UHRF1: variants seen among roughly 807,000 people sequenced by gnomAD.
The protein encoded by UHRF1 is ubiquitin like with PHD and ring finger domains 1.
UHRF1 carries 9 observed loss-of-function variants against 96.5 expected under a neutral mutation model. The ratio of observed to expected loss-of-function variants is 0.09; its 90% CI spans 0.06 to 0.16. UHRF1 has a LOEUF of 0.16. UHRF1 is among the 10% of genes least tolerant of loss of function. UHRF1 has a pLI of 1.00. For missense variants in UHRF1, 626 were observed against 1,131.1 expected (o/e 0.55, Z 6.40); for synonymous variants, 455 against 469.9 (o/e 0.97, Z 0.41).
Position 4,944,366 on chromosome 19 carries a change from C to A in UHRF1, c.1221C>A (p.Thr407=), listed in dbSNP as rs2033501257. ...WGKGMACVGR[T]KECTIVPSNH... Reference sequence around the variant, plus strand: ...AGGGCATGGCCTGTGTGGGCCGCACCAAGGAATGTACCATCGTCCCGTCCA... The same window carrying A: ...AGGGCATGGCCTGTGTGGGCCGCACAAAGGAATGTACCATCGTCCCGTCCA... The change falls in exon 9 of 17, where the codon ACC becomes ACA. Residue 407 remains threonine, a synonymous_variant. Coordinates refer to ENST00000650932, the MANE Select transcript of UHRF1 (RefSeq NM_001048201.3). The A allele has an allele frequency of 6.2e-7, 1 of 1,613,916 alleles. No homozygotes were observed. Among genetic ancestry groups the A allele is most frequent in the African/African-American group, 1.3e-5 (1 of 74,946 alleles).
chr19:4,941,946 G>A lies in UHRF1; in HGVS notation c.1073+15G>A, dbSNP rs781617137. ...GAGGACGAGTGGTGAGTGCGGCCCT[G>A]CCCGCCGCGGGGAGACCAGAGCGCC... On this transcript the variant is annotated intron_variant, in intron 7 of 16. Transcript: ENST00000650932. 2.0e-5 allele frequency: 29 copies of A among 1,473,280 alleles called. No individual in the cohort carries two copies. In the South Asian group the frequency reaches 3.8e-4, roughly 19 times the overall value. The allele number at this position is 1,473,280 out of a possible 1,614,324, so 91.3% of individuals were successfully genotyped here. A position where few individuals can be genotyped will look rare whatever the true frequency, so the allele number is the denominator to read the frequency against.
chr19:4,903,837 A>G (rs970973581), intron 1 of UHRF1, among the ~76,000 whole-genome samples: 5 of 152,088 alleles, frequency 3.3e-5, no homozygotes, highest in Non-Finnish European at 2.9e-5. Flanking sequence ...AAGACTCTAC[A>G]TTTATATTGG....
intron 7 of UHRF1, among the ~76,000 whole-genome samples, chr19:4,942,732 G>A (rs2033444817): frequency 1.3e-5 from 2 of 152,084 alleles, no homozygotes; most frequent in Admixed American, 1.3e-4. Flanking sequence ...TTACAGGTGT[G>A]AGCCACCATG....
chr19:4,946,497 T>G (rs1421964074), intron 10 of UHRF1, among the ~76,000 whole-genome samples: 1 of 152,130 alleles, frequency 6.6e-6, no homozygotes, highest in Non-Finnish European at 1.5e-5. Context: ...TACAAGTATC[T>G]CCAGCCCCCG....
rs1028199583 is a variant in UHRF1, at chr19:4,930,486, G to C, written c.409-230G>C. On this transcript the variant is annotated intron_variant, in intron 3 of 16. Transcript: ENST00000650932. The surrounding 1 kb of genome is among the most constrained non-coding windows in gnomAD (Gnocchi z 4.4). Reference sequence around the variant, plus strand: ...CAGCAGCTGTGGCTGAAGCAGAGCCGCAGGGGCCTTTGTTAAGACAGTCCA... The same window carrying C: ...CAGCAGCTGTGGCTGAAGCAGAGCCCCAGGGGCCTTTGTTAAGACAGTCCA... Among the ~76,000 whole-genome samples, 1 of 152,236 alleles carries C rather than the reference G, an allele frequency of 6.6e-6. No homozygotes were observed. Among genetic ancestry groups the C allele is most frequent in the Non-Finnish European group, 1.5e-5 (1 of 68,050 alleles).
chr19:4,921,990 C>T (rs1001630624), intron 2 of UHRF1, among the ~76,000 whole-genome samples: 7 of 152,214 alleles, frequency 4.6e-5, no homozygotes, highest in African/African-American at 9.6e-5. Context: ...CAGTCTCGCT[C>T]TGTCGCCTAG....
At chr19:4,955,779 A>G (rs979812378) in intron 15 of UHRF1, among the ~76,000 whole-genome samples, 6 of 151,896 alleles carry the variant, frequency 4.0e-5, no homozygotes, top group African/African-American at 1.5e-4. Context: ...CTCAGTATGC[A>G]TTGTGTCAGT....
chr19:4,926,646 G>T (rs2032880163), intron 2 of UHRF1, among the ~76,000 whole-genome samples: 1 of 152,042 alleles, frequency 6.6e-6, no homozygotes, highest in Non-Finnish European at 1.5e-5. Flanking sequence ...TGTGCCTGTG[G>T]TCCCAGCCAC....
chr19:4,947,101 T>C lies in UHRF1; in HGVS notation c.1411-4T>C. ...GGTTCACCCAGCCTTCTTGTCTGTTTCAGGACCATGGGAATTTTTTCACAT... is the reference window on the plus strand; with the variant it reads ...GGTTCACCCAGCCTTCTTGTCTGTTCCAGGACCATGGGAATTTTTTCACAT... On this transcript the variant is annotated splice_polypyrimidine_tract_variant and splice_region_variant and intron_variant, in intron 10 of 16. Coordinates refer to ENST00000650932, the MANE Select transcript of UHRF1 (RefSeq NM_001048201.3). 1 of 1,613,156 alleles carries C rather than the reference T, an allele frequency of 6.2e-7. No homozygotes were observed. Among genetic ancestry groups the C allele is most frequent in the Non-Finnish European group, 8.5e-7 (1 of 1,179,536 alleles).
At position 4,929,371 on chromosome 19, in the gene UHRF1, G is replaced by C. The variant is rs2032975303; in HGVS notation, c.303G>C (p.Gln101His). 1 of 1,613,648 alleles carries C rather than the reference G, an allele frequency of 6.2e-7. No homozygotes were observed. Among genetic ancestry groups the C allele is most frequent in the Admixed American group, 1.7e-5 (1 of 59,998 alleles). Residue 101 changes from glutamine (Q) to histidine (H), a missense_variant, in exon 3 of 17, where the codon CAG becomes CAC. Gln to His is a conservative substitution (Grantham distance 24, BLOSUM62 0). Coordinates refer to ENST00000650932, the MANE Select transcript of UHRF1 (RefSeq NM_001048201.3). The part of the protein sequence containing the change: ...SDTDSGCCLG[Q>H]SESDKSSTHG... Reference sequence around the variant, plus strand: ...CCGACTCCGGCTGCTGCCTGGGCCAGAGTGAGTCAGACAAGTCCTCCACCC... The same window carrying C: ...CCGACTCCGGCTGCTGCCTGGGCCACAGTGAGTCAGACAAGTCCTCCACCC...
chr19:4,916,217 G>T (rs903669335), intron 2 of UHRF1, among the ~76,000 whole-genome samples: 1 of 151,654 alleles, frequency 6.6e-6, no homozygotes, highest in Non-Finnish European at 1.5e-5. Context: ...AAGGTGGGAA[G>T]ATCACTTGAG....
chr19:4,933,003 C>G, intron 5 of UHRF1, 47 bp downstream of exon 5: 1 of 1,532,144 alleles, frequency 6.5e-7, no homozygotes, highest in Non-Finnish European at 8.8e-7. Context: ...CCTTTCCTCC[C>G]CTCCCGGGGC....
At chr19:4,945,989 G>GGGGGA (rs776129069) in intron 10 of UHRF1, 24 bp downstream of exon 10, 20 of 1,261,052 alleles carry the variant, frequency 1.6e-5, no homozygotes, top group Middle Eastern at 2.2e-4. Flanking sequence ...TGGGAGGGGT[G>GGGGGA]GGGGAGGGTT....
chr19:4,922,305 G>A (rs1010278005), intron 2 of UHRF1, among the ~76,000 whole-genome samples: 3 of 151,994 alleles, frequency 2.0e-5, no homozygotes, highest in African/African-American at 7.2e-5. Context: ...TTGCTCTGTT[G>A]CCCGGACTGG....
intron 7 of UHRF1, among the ~76,000 whole-genome samples, chr19:4,942,159 G>GT (rs1344168768): frequency 6.6e-6 from 1 of 151,868 alleles, no homozygotes; most frequent in Non-Finnish European, 1.5e-5. Context: ...TTTTTTGTTT[G>GT]TTTTTTTGAG....
intron 2 of UHRF1, among the ~76,000 whole-genome samples, chr19:4,920,157 C>T (rs1233773966): frequency 2.0e-5 from 3 of 152,160 alleles, no homozygotes; most frequent in South Asian, 2.1e-4. Context: ...AGAGGCTGGG[C>T]GCAGCGGCTC....
intron 5 of UHRF1, among the ~76,000 whole-genome samples, chr19:4,936,698 TTGGGAGGCTGAGG>T (rs1385039766): frequency 1.3e-5 from 2 of 151,938 alleles, no homozygotes. Flanking sequence ...TCCCAGCACT[TTGGGAGGCTGAGG>T]TGGGAGGATC....
chr19:4,925,612 C>T (rs908218406), intron 2 of UHRF1, among the ~76,000 whole-genome samples: 1 of 152,138 alleles, frequency 6.6e-6, no homozygotes, highest in Non-Finnish European at 1.5e-5. Flanking sequence ...ACCTCCGTCT[C>T]CCAGGTTCAA....
chr19:4,911,151 C>G lies in UHRF1; in HGVS notation c.153+113C>G, dbSNP rs959168034. The stretch of plus-strand genomic sequence containing the variant: ...TCCCCCCCCAACAACCTCGTCCGGT[C>G]CCACTTCATCTCTCCCGGAAGGAGA... On this transcript the variant is annotated intron_variant, in intron 2 of 16. Coordinates refer to ENST00000650932, the MANE Select transcript of UHRF1 (RefSeq NM_001048201.3). 2.6e-5 allele frequency: 26 copies of G among 1,016,180 alleles called. No individual in the cohort carries two copies. The African/African-American group carries it at 2.8e-4, about 11-fold the overall frequency. 62.9% of individuals were successfully genotyped at this position (1,016,180 alleles called of 1,614,324 possible).
Sources: allele counts gnomAD v4.1 joint callset (sites outside exome capture counted in the v4.1 genomes callset), GRCh38; gene constraint gnomAD v4.1.1; non-coding constraint Gnocchi (gnomAD v3.1); transcripts MANE v1.5; gene names NCBI Gene and HGNC (gene_info 2026-07-23, HGNC 2026-07-21).